LPAR3: variants seen among roughly 807,000 people sequenced by gnomAD.
LPAR3 encodes the protein lysophosphatidic acid receptor 3, also known as LPA receptor 3.
A neutral mutation model predicts 17.8 loss-of-function variants in LPAR3; 7 were observed. That is an observed-to-expected ratio of 0.39 (90% CI 0.22 to 0.74). LPAR3 has a LOEUF of 0.74. LPAR3 is among the 30% of genes least tolerant of loss of function. LPAR3 has a pLI of 0.40. For synonymous variants in LPAR3, 179 were observed against 179.9 expected (o/e 0.99, Z 0.04); for missense variants, 391 against 453.4 (o/e 0.86, Z 1.25).
chr1:84,876,382 C>G (rs1660258230), intron 1 of LPAR3, among the ~76,000 whole-genome samples: 1 of 152,142 alleles, frequency 6.6e-6, no homozygotes, highest in South Asian at 2.1e-4. Context: ...CCAGCTTCTG[C>G]CAATGAGAGG....
chr1:84,835,401 G>A (rs544177156), intron 2 of LPAR3, among the ~76,000 whole-genome samples: 35 of 152,276 alleles, frequency 2.3e-4, no homozygotes, highest in Non-Finnish European at 4.4e-4. Flanking sequence ...AACATGCACT[G>A]TTATCAAGAA....
chr1:84,812,669 G>A lies in LPAR3; in HGVS notation c.*1177C>T, dbSNP rs888110322. 6.6e-6 allele frequency: 1 copy of A among 152,234 alleles called. No homozygotes were observed. Among genetic ancestry groups the A allele is most frequent in the East Asian group, 1.9e-4 (1 of 5,174 alleles). The allele number at this position is 152,234 out of a possible 1,614,324, so 9.4% of individuals were successfully genotyped here. A position where few individuals can be genotyped will look rare whatever the true frequency, so the allele number is the denominator to read the frequency against. On this transcript the variant is annotated 3_prime_UTR_variant, in exon 3 of 3. Transcript: ENST00000370611. ...GCTGGTCTCATACTCCTGGCCTCAA[G>A]TGATCCACCTGCCTCAGCCTCCCAA...
rs753449311 is a variant in LPAR3, at chr1:84,865,886, C to T, written c.235G>A (p.Ala79Thr). Residue 79 changes from alanine to threonine, a missense_variant, in exon 2 of 3, where the codon GCT (alanine) becomes ACT (threonine). Coordinates refer to ENST00000370611, the MANE Select transcript of LPAR3 (RefSeq NM_012152.3). ...LANLAAADFF[A>T]GIAYVFLMFN... is the part of the protein sequence containing the mutation. Reference sequence around the variant, plus strand: ...ATCAGGAATACATAGGCAATTCCAGCGAAGAAATCGGCAGCAGCTAAATTA... The same window carrying T: ...ATCAGGAATACATAGGCAATTCCAGTGAAGAAATCGGCAGCAGCTAAATTA... 35 of 1,613,880 alleles carry T rather than the reference C, an allele frequency of 2.2e-5. No individual in the cohort carries two copies. Among genetic ancestry groups the T allele is most frequent in the Middle Eastern group, 1.6e-4 (1 of 6,084 alleles).
chr1:84,815,639 C>T (rs1233070955), intron 2 of LPAR3, among the ~76,000 whole-genome samples: 4 of 152,090 alleles, frequency 2.6e-5, no homozygotes, highest in African/African-American at 7.2e-5. Flanking sequence ...ATGAGTGACC[C>T]GAATTATGGG....
intron 2 of LPAR3, among the ~76,000 whole-genome samples, chr1:84,839,081 C>G (rs1659456447): frequency 6.6e-6 from 1 of 152,186 alleles, no homozygotes; most frequent in African/African-American, 2.4e-5. Flanking sequence ...TGCCATTTAA[C>G]CCTCACATCA....
chr1:84,876,816 T>A (rs1660268734), intron 1 of LPAR3, among the ~76,000 whole-genome samples: 1 of 152,222 alleles, frequency 6.6e-6, no homozygotes, highest in African/African-American at 2.4e-5. Flanking sequence ...CTTTTCCTAA[T>A]TATAACAACT....
chr1:84,844,404 T>C (rs904437409), intron 2 of LPAR3, among the ~76,000 whole-genome samples: 3 of 152,250 alleles, frequency 2.0e-5, no homozygotes, highest in Non-Finnish European at 4.4e-5. Context: ...AAAGATTTAC[T>C]GCACTGTTTG....
At chr1:84,829,554 C>A (rs771939793) in intron 2 of LPAR3, among the ~76,000 whole-genome samples, 2 of 151,934 alleles carry the variant, frequency 1.3e-5, no homozygotes, top group Non-Finnish European at 2.9e-5. Context: ...ACTCTGGAGG[C>A]TCTTGGGAAA....
At chr1:84,891,503 C>G (rs957835916) in intron 1 of LPAR3, among the ~76,000 whole-genome samples, 3 of 152,164 alleles carry the variant, frequency 2.0e-5, no homozygotes, top group Admixed American at 2.0e-4. Flanking sequence ...CTGGGGTTAA[C>G]AGAGCCAAGG....
chr1:84,860,031 C>T (rs1482016365), intron 2 of LPAR3, among the ~76,000 whole-genome samples: 6 of 152,118 alleles, frequency 3.9e-5, no homozygotes, highest in Admixed American at 2.0e-4. Flanking sequence ...CGTATGTCTC[C>T]GATGTCTTTT....
intron 1 of LPAR3, among the ~76,000 whole-genome samples, 188 bp from the exon 2 acceptor site, chr1:84,866,326 G>C (rs542366302): frequency 2.6e-5 from 4 of 152,156 alleles, no homozygotes; most frequent in Non-Finnish European, 4.4e-5. Flanking sequence ...AGCATTTAGC[G>C]CACATTTTAA....
chr1:84,845,623 A>G lies in LPAR3; in HGVS notation c.736+19762T>C, dbSNP rs145461132. ...TTATCCTGCACTGTGTTGGTCCATC[A>G]TTACCAAAACCAATTAATCTTTTTA... is the stretch of plus-strand genomic sequence containing the variant. On this transcript the variant is annotated intron_variant, in intron 2 of 2. Transcript: ENST00000370611. Among the ~76,000 whole-genome samples the G allele has an allele frequency of 4.7e-3, 716 of 152,320 alleles. 5 individuals carry two copies. The highest frequency in any genetic ancestry group is 0.014 in the South Asian group (70 of 4,828).
At chr1:84,839,802 G>T (rs9725247) in intron 2 of LPAR3, among the ~76,000 whole-genome samples, 119,734 of 152,190 alleles carry the variant, frequency 0.79, 47,254 homozygotes, top group African/African-American at 0.86. Flanking sequence ...TGTGTGACCT[G>T]GGGTAACTTA....
At chr1:84,880,510 G>A (rs1660344110) in intron 1 of LPAR3, among the ~76,000 whole-genome samples, 1 of 152,166 alleles carries the variant, frequency 6.6e-6, no homozygotes, top group Admixed American at 6.5e-5. Context: ...ACAATGCCAG[G>A]CAGGTCTGTA....
At chr1:84,863,475 C>T (rs1659978087) in intron 2 of LPAR3, among the ~76,000 whole-genome samples, 1 of 152,134 alleles carries the variant, frequency 6.6e-6, no homozygotes, top group Admixed American at 6.5e-5. Flanking sequence ...CTTCTAGTTC[C>T]CCAGAGTCTC....
chr1:84,853,181 A>C (rs1402410670), intron 2 of LPAR3, among the ~76,000 whole-genome samples: 1 of 151,912 alleles, frequency 6.6e-6, no homozygotes, highest in African/African-American at 2.4e-5. Context: ...TTAGAAGGGG[A>C]GTTAAGGTCA....
intron 2 of LPAR3, among the ~76,000 whole-genome samples, chr1:84,848,583 A>C (rs549629210): frequency 1.9e-3 from 286 of 152,330 alleles, no homozygotes; most frequent in Non-Finnish European, 3.1e-3. Flanking sequence ...CAAATGAAGA[A>C]GGGTCCAGTT....
intron 2 of LPAR3, among the ~76,000 whole-genome samples, chr1:84,847,046 T>C (rs1659606198): frequency 6.6e-6 from 1 of 152,172 alleles, no homozygotes; most frequent in South Asian, 2.1e-4. Flanking sequence ...TTTGGACTTT[T>C]CTATTTCACT....
intron 2 of LPAR3, among the ~76,000 whole-genome samples, chr1:84,846,189 C>T (rs573256963): frequency 2.8e-4 from 43 of 152,158 alleles, no homozygotes; most frequent in African/African-American, 1.0e-3. Flanking sequence ...CAGACAAATT[C>T]TCATGTTAAA....
Sources: allele counts gnomAD v4.1 joint callset (sites outside exome capture counted in the v4.1 genomes callset), GRCh38; gene constraint gnomAD v4.1.1; transcripts MANE v1.5; gene names NCBI Gene and HGNC (gene_info 2026-07-23, HGNC 2026-07-21).